Variants in MLLT10 observed in about 807,000 individuals in gnomAD.
The protein encoded by MLLT10 is MLLT10 histone lysine methyltransferase DOT1L cofactor.
A neutral mutation model predicts 129.1 loss-of-function variants in MLLT10; 30 were observed. The observed-to-expected ratio is 0.23, with a 90% CI of 0.17 to 0.32. The LOEUF (loss-of-function observed/expected upper bound fraction) is 0.32. Ranked by LOEUF, MLLT10 falls within the 10% of genes least tolerant of loss-of-function variation. MLLT10 has a pLI of 1.00. For synonymous variants in MLLT10, 490 were observed against 446.4 expected, an observed-to-expected ratio of 1.10 and a Z score of -1.23; for missense variants, 1,119 against 1,268.3, an observed-to-expected ratio of 0.88 and a Z score of 1.79.
intron 13 of MLLT10, among the ~76,000 whole-genome samples, chr10:21,706,984 G>T (rs775088523): frequency 6.6e-6 from 1 of 151,928 alleles, no homozygotes; most frequent in African/African-American, 2.4e-5. Context: ...TCAATTTTCT[G>T]TATGAACTCC....
chr10:21,534,317 C>CG lies in MLLT10; in HGVS notation c.-204_-203insG, dbSNP rs1239319613. On this transcript the variant is annotated 5_prime_UTR_variant, in exon 1 of 23. Transcript: ENST00000307729. The stretch of plus-strand genomic sequence containing the variant: ...CTGGCCCAGCGGGAGCCCCCCCTCC[C>CG]CCCAGTGCGCCTGTGCGGAGGCCCT... 11 of 394,886 alleles carry CG rather than the reference C, an allele frequency of 2.8e-5. 2 individuals are homozygous for CG. Among genetic ancestry groups the CG allele is most frequent in the African/African-American group, 1.4e-4 (7 of 48,330 alleles). 24.5% of individuals were successfully genotyped at this position (394,886 alleles called of 1,614,324 possible).
chr10:21,622,252 G>A (rs1297719089), intron 8 of MLLT10, among the ~76,000 whole-genome samples: 2 of 148,544 alleles, frequency 1.3e-5, no homozygotes, highest in African/African-American at 2.5e-5. Flanking sequence ...TGATCTCCGT[G>A]GCTCAAGGGA....
intron 3 of MLLT10, chr10:21,556,896 C>A: frequency 6.4e-7 from 1 of 1,550,682 alleles, no homozygotes; most frequent in Non-Finnish European, 8.7e-7. Flanking sequence ...GGCTTTATGC[C>A]ATTTATCTCA....
rs992893497 is a variant in MLLT10 at position 21,534,638 on chromosome 10, C to T, written c.1-7C>T. On this transcript the variant is annotated splice_region_variant and splice_polypyrimidine_tract_variant and intron_variant, in intron 1 of 22. Transcript: ENST00000307729. ...GTTTTTTAATGGTCCCCCCAACTCCCTCTTAGATGGTCTCTAGCGACCGGC... is the reference window on the plus strand; with the variant it reads ...GTTTTTTAATGGTCCCCCCAACTCCTTCTTAGATGGTCTCTAGCGACCGGC... 14 of 1,605,222 alleles carry T rather than the reference C, an allele frequency of 8.7e-6. No individual in the cohort carries two copies. Among genetic ancestry groups the T allele is most frequent in the African/African-American group, 1.3e-5 (1 of 74,390 alleles).
At chr10:21,727,130 AG>A (rs2057577238) in intron 15 of MLLT10, among the ~76,000 whole-genome samples, 1 of 152,176 alleles carries the variant, frequency 6.6e-6, no homozygotes, top group Non-Finnish European at 1.5e-5. Flanking sequence ...TTACCGTTTA[AG>A]GGTCAGAGGT....
chr10:21,636,212 C>G (rs1215572495), intron 8 of MLLT10, among the ~76,000 whole-genome samples: 1 of 152,024 alleles, frequency 6.6e-6, no homozygotes, highest in African/African-American at 2.4e-5. Flanking sequence ...CCTCAACCTC[C>G]TGCATTCAAG....
chr10:21,741,852 CATTTT>C lies in MLLT10; in HGVS notation c.3163-84_3163-80del. On this transcript the variant is annotated intron_variant, in intron 22 of 22. Coordinates refer to ENST00000307729, the MANE Select transcript of MLLT10 (RefSeq NM_001195626.3). ...AAAAAGGGAGTAACTTTCTATACCACATTTTATCTCAGTCACAGTTTCAAATTCGG... is the reference window on the plus strand; with the variant it reads ...AAAAAGGGAGTAACTTTCTATACCACATCTCAGTCACAGTTTCAAATTCGG... 5 of 1,414,546 alleles carry C rather than the reference CATTTT, an allele frequency of 3.5e-6. No homozygotes were observed. The South Asian group carries it at 6.2e-5, about 17-fold the overall frequency. The allele number at this position is 1,414,546 out of a possible 1,614,324, so 87.6% of individuals were successfully genotyped here.
At position 21,742,135 on chromosome 10, in the gene MLLT10, C is replaced by T. The variant is rs1385764036; in HGVS notation, c.*152C>T. ...TTGCTGCAAGGACATTCTTGTAAGG[C>T]TTTGATTAGTTTTCTTGTTGCTTTG... On this transcript the variant is annotated 3_prime_UTR_variant, in exon 23 of 23. Transcript: ENST00000307729. 3 of 660,404 alleles carry T rather than the reference C, an allele frequency of 4.5e-6. No homozygotes were observed. Among genetic ancestry groups the T allele is most frequent in the Non-Finnish European group, 7.5e-6 (3 of 399,150 alleles). 40.9% of individuals were successfully genotyped at this position (660,404 alleles called of 1,614,324 possible). A position where few individuals can be genotyped will look rare whatever the true frequency, so the allele number is the denominator to read the frequency against.
At chr10:21,738,255 G>A (rs923189227) in intron 21 of MLLT10, 5 of 254,010 alleles carry the variant, frequency 2.0e-5, no homozygotes, top group Admixed American at 6.5e-5. Context: ...CAACTAGAGC[G>A]AGACTCGGTC....
chr10:21,683,508 T>A (rs778986502), intron 13 of MLLT10, among the ~76,000 whole-genome samples: 3 of 152,212 alleles, frequency 2.0e-5, no homozygotes, highest in Non-Finnish European at 2.9e-5. Context: ...ATCCTGAACA[T>A]CTTTAGAAAA....
chr10:21,723,439 T>C (rs1261352199), intron 14 of MLLT10, among the ~76,000 whole-genome samples: 1 of 152,202 alleles, frequency 6.6e-6, no homozygotes, highest in African/African-American at 2.4e-5. Flanking sequence ...ATGAGACTGA[T>C]AATTGAAAGC....
chr10:21,690,141 G>C (rs1387297818), intron 13 of MLLT10, among the ~76,000 whole-genome samples: 1 of 151,966 alleles, frequency 6.6e-6, no homozygotes, highest in Non-Finnish European at 1.5e-5. Context: ...AGAGAAGACA[G>C]AAAGAGGTTG....
chr10:21,727,481 C>T (rs374387021), intron 15 of MLLT10, among the ~76,000 whole-genome samples: 25 of 152,070 alleles, frequency 1.6e-4, no homozygotes, highest in Middle Eastern at 3.4e-3. Context: ...ACAAAGCATA[C>T]GGATTTGCTG....
intron 20 of MLLT10, 78 bp from the exon 21 acceptor site, chr10:21,735,061 A>G (rs2131583479): frequency 4.0e-6 from 4 of 1,003,012 alleles, no homozygotes; most frequent in Non-Finnish European, 6.1e-6. Context: ...CAAATTGAAA[A>G]GTTGTCTTTC....
intron 13 of MLLT10, among the ~76,000 whole-genome samples, chr10:21,703,334 A>G (rs2055111645): frequency 6.6e-6 from 1 of 151,318 alleles, no homozygotes; most frequent in Admixed American, 6.6e-5. Context: ...ATCCCCTTCT[A>G]TGTTGACTGT....
intron 15 of MLLT10, 94 bp downstream of exon 15, chr10:21,726,449 G>T: frequency 1.2e-6 from 1 of 817,838 alleles, no homozygotes; most frequent in Non-Finnish European, 2.0e-6. Context: ...AACATGCAGG[G>T]ATGTGGTTAG....
chr10:21,736,031 T>G (rs2058335236), intron 21 of MLLT10, among the ~76,000 whole-genome samples: 1 of 152,164 alleles, frequency 6.6e-6, no homozygotes, highest in South Asian at 2.1e-4. Flanking sequence ...CTAATAATCT[T>G]AGTTTTGTTT....
In MLLT10 at chr10:21,678,957, G is replaced by A. The variant is rs368674788; in HGVS notation, c.1622-2375G>A. Among the ~76,000 whole-genome samples, 12 of 152,182 alleles carry A rather than the reference G, an allele frequency of 7.9e-5. No individual in the cohort carries two copies. The East Asian group carries it at 2.3e-3, about 29-fold the overall frequency. On this transcript the variant is annotated intron_variant, in intron 11 of 22. Coordinates refer to ENST00000307729, the MANE Select transcript of MLLT10 (RefSeq NM_001195626.3). ...TCAGGTTCTAATGTGATTCCCTCTT[G>A]AAATTATTGGCTAAAAGCATCAGTT... is the stretch of plus-strand genomic sequence containing the variant.
At chr10:21,626,603 C>T (rs1245114798) in intron 8 of MLLT10, among the ~76,000 whole-genome samples, 1 of 152,142 alleles carries the variant, frequency 6.6e-6, no homozygotes, top group Non-Finnish European at 1.5e-5. Context: ...TGGCAAATTT[C>T]AACATGAGTT....
Sources: gnomAD v4.1 joint callset for allele counts (sites outside exome capture counted in the v4.1 genomes callset) on GRCh38, gnomAD v4.1.1 for gene constraint, MANE v1.5 for transcripts, NCBI Gene and HGNC (gene_info 2026-07-23, HGNC 2026-07-21) for gene names.